APOO: variants seen among roughly 807,000 people sequenced by gnomAD.
The protein encoded by APOO is apolipoprotein O, also known as MICOS complex subunit MIC26.
In APOO, 11 loss-of-function variants were observed where a neutral mutation model predicts 23.1. The ratio of observed to expected loss-of-function variants is 0.48; its 90% CI spans 0.30 to 0.79. The LOEUF is 0.79. Ranked by LOEUF, APOO falls within the 30% of genes least tolerant of loss-of-function variation. The probability of loss-of-function intolerance (pLI) is 0.07; values close to 1 mark genes in which losing one functional copy is unlikely to be tolerated. For synonymous variants in APOO, 59 were observed against 54.8 expected (o/e 1.08, Z -0.34); for missense variants, 160 against 142.7 (o/e 1.12, Z -0.62).
intron 1 of APOO, among the ~76,000 whole-genome samples, chrX:23,895,828 TC>T (rs1926872753): frequency 9.5e-6 from 1 of 105,803 alleles, no homozygotes; most frequent in Non-Finnish European, 1.9e-5. Flanking sequence ...ATTATCTCAT[TC>T]TACTAAAAAA....
At chrX:23,838,639 C>T (rs1232079171) in intron 8 of APOO, among the ~76,000 whole-genome samples, 2 of 108,668 alleles carry the variant, frequency 1.8e-5, no homozygotes, top group African/African-American at 3.3e-5. Flanking sequence ...AGGGTGGTCT[C>T]GATCTCTCGA....
intron 8 of APOO, among the ~76,000 whole-genome samples, chrX:23,838,376 AAG>A (rs1923807550): frequency 2.3e-5 from 2 of 85,754 alleles, no homozygotes; most frequent in Admixed American, 1.3e-4. Flanking sequence ...AAAAAAAAAA[AAG>A]AAAGAAAGAA....
chrX:23,880,944 C>G lies in APOO; in HGVS notation c.18G>C (p.Gln6His). Residue 6 changes from glutamine to histidine, a missense_variant, in exon 2 of 9, where the codon CAG becomes CAC. Coordinates refer to ENST00000379226, the MANE Select transcript of APOO (RefSeq NM_024122.5). ...TCAGGCTGGCTGGCCCCACGGACCT[C>G]TGAATTACCTGAAATGCAGAAGCAA... MFKVIQRSVGPASLSL... is the reference protein window; with the variant it reads MFKVIHRSVGPASLSL... The G allele has an allele frequency of 6.9e-6, 8 of 1,167,278 alleles. No individual in the cohort carries two copies. The highest frequency in any genetic ancestry group is 9.2e-6 in the Non-Finnish European group (8 of 871,525).
intron 1 of APOO, among the ~76,000 whole-genome samples, chrX:23,900,396 C>A (rs780085272): frequency 1.8e-5 from 2 of 111,342 alleles, no homozygotes; most frequent in South Asian, 7.5e-4. Flanking sequence ...TCAACTGGCC[C>A]GGCATGGTGA....
rs745567122 is a variant in APOO, at chrX:23,889,711, G to A, written c.10-8759C>T. 1.2e-4 allele frequency among the ~76,000 whole-genome samples: 12 copies of A among 99,821 alleles called. No homozygotes were observed. The East Asian group carries it at 2.6e-3, about 22-fold the overall frequency. 86.7% of individuals were successfully genotyped at this position (99,821 alleles called of 115,157 possible). The stretch of plus-strand genomic sequence containing the variant: ...AGAGCCTCGCTCTGTCGCCCAGGCT[G>A]GAGTGCAGTGGTGCGATCTTGGCTC... On this transcript the variant is annotated intron_variant, in intron 1 of 8. Transcript: ENST00000379226.
chrX:23,894,098 C>T (rs2147042618), intron 1 of APOO, among the ~76,000 whole-genome samples: 1 of 111,134 alleles, frequency 9.0e-6, no homozygotes, highest in South Asian at 3.8e-4. Context: ...TTTACTACAA[C>T]TATTTATATA....
intron 1 of APOO, among the ~76,000 whole-genome samples, chrX:23,896,140 C>T (rs1479182549): frequency 1.8e-5 from 2 of 109,629 alleles, no homozygotes; most frequent in Non-Finnish European, 3.8e-5. Flanking sequence ...TGGTGGTGCA[C>T]GCCTGTAATC....
intron 7 of APOO, among the ~76,000 whole-genome samples, chrX:23,852,180 T>A (rs1310465605): frequency 9.0e-6 from 1 of 111,220 alleles, no homozygotes; most frequent in Non-Finnish European, 1.9e-5. Flanking sequence ...CGTCTCCACA[T>A]CCCAAAGTGC....
chrX:23,862,730 T>C lies in APOO; in HGVS notation c.389-3997A>G, dbSNP rs755966620. On this transcript the variant is annotated intron_variant, in intron 5 of 8. Coordinates refer to ENST00000379226, the MANE Select transcript of APOO (RefSeq NM_024122.5). ...TCAAGACTGCAGTGAGCCCTGATCA[T>C]GCCACTGCACTACAACCTGGGTGAC... Among the ~76,000 whole-genome samples the C allele has an allele frequency of 3.9e-5, 4 of 102,676 alleles. No homozygotes were observed. In the South Asian group the frequency reaches 1.9e-3, roughly 49 times the overall value. The allele number at this position is 102,676 out of a possible 115,157, so 89.2% of individuals were successfully genotyped here.
chrX:23,875,560 C>T (rs1925810545), intron 3 of APOO, among the ~76,000 whole-genome samples: 1 of 106,469 alleles, frequency 9.4e-6, no homozygotes, highest in African/African-American at 3.4e-5. Flanking sequence ...GCTGGGATTA[C>T]AGGTGCCCGC....
intron 7 of APOO, among the ~76,000 whole-genome samples, chrX:23,851,799 C>T (rs1347881810): frequency 8.9e-6 from 1 of 112,251 alleles, no homozygotes; most frequent in East Asian, 2.8e-4. Flanking sequence ...AGGGATGTGG[C>T]AGAGCAGCAA....
intron 1 of APOO, among the ~76,000 whole-genome samples, chrX:23,886,756 C>T (rs1329770566): frequency 8.9e-6 from 1 of 111,890 alleles, no homozygotes; most frequent in African/African-American, 3.2e-5. Context: ...ACCACCTTTC[C>T]CTCTTAACAG....
rs781709511 is a variant in APOO, at chrX:23,848,356, G to A, written c.561+7946C>T. ...ATTTTTTATTTTTAGTAGAGACGGGGTTTCACCCTGTTGGCCAGGCTGGTC... is the reference window on the plus strand; with the variant it reads ...ATTTTTTATTTTTAGTAGAGACGGGATTTCACCCTGTTGGCCAGGCTGGTC... On this transcript the variant is annotated intron_variant, in intron 7 of 8. Coordinates refer to ENST00000379226, the MANE Select transcript of APOO (RefSeq NM_024122.5). Among the ~76,000 whole-genome samples, 408 of 110,108 alleles carry A rather than the reference G, an allele frequency of 3.7e-3. 3 individuals are homozygous for A. The highest frequency in any genetic ancestry group is 6.1e-3 in the Non-Finnish European group (322 of 52,777).
intron 5 of APOO, among the ~76,000 whole-genome samples, chrX:23,866,148 G>T (rs1156630442): frequency 9.0e-6 from 1 of 111,236 alleles, no homozygotes. Context: ...CCAGGAGAGG[G>T]AGGGGGAAGC....
At chrX:23,837,825 A>T (rs1601876771) in intron 8 of APOO, among the ~76,000 whole-genome samples, 1 of 105,225 alleles carries the variant, frequency 9.5e-6, no homozygotes, top group East Asian at 3.1e-4. Context: ...CACTCAGCTA[A>T]TTTTTTTAAT....
At chrX:23,840,564 C>T (rs1000772427) in intron 7 of APOO, 187 bp from the exon 8 acceptor site, 33 of 327,434 alleles carry the variant, frequency 1.0e-4, no homozygotes, top group Non-Finnish European at 1.6e-4. Context: ...CCCACATTCT[C>T]GCAGTTACCG....
chrX:23,891,424 G>A (rs1190528276), intron 1 of APOO, among the ~76,000 whole-genome samples: 3 of 111,095 alleles, frequency 2.7e-5, no homozygotes, highest in East Asian at 2.8e-4. Flanking sequence ...ACAGGGTTTC[G>A]CCATGTTGGC....
chrX:23,896,647 A>C (rs1926916589), intron 1 of APOO, among the ~76,000 whole-genome samples: 1 of 111,480 alleles, frequency 9.0e-6, no homozygotes, highest in African/African-American at 3.3e-5. Flanking sequence ...GCAAAGGAGG[A>C]TATAAAGCCA....
At chrX:23,862,896 G>A (rs1179118912) in intron 5 of APOO, among the ~76,000 whole-genome samples, 1 of 57,168 alleles carries the variant, frequency 1.7e-5, no homozygotes, top group Non-Finnish European at 3.3e-5. Context: ...GGGGAGGGAG[G>A]AGGGAAGGGG....
Sources: allele counts gnomAD v4.1 joint callset (sites outside exome capture counted in the v4.1 genomes callset), GRCh38; gene constraint gnomAD v4.1.1; transcripts MANE v1.5; gene names NCBI Gene and HGNC (gene_info 2026-07-23, HGNC 2026-07-21).